LRRTM3: variants seen among roughly 807,000 people sequenced by gnomAD.
The protein encoded by LRRTM3 is leucine-rich repeat transmembrane neuronal protein 3.
Under a neutral mutation model 44.7 loss-of-function variants are expected in LRRTM3, and 24 were observed. That is an observed-to-expected ratio of 0.54 (90% confidence interval 0.39 to 0.76). The LOEUF (loss-of-function observed/expected upper bound fraction) is 0.76, where lower values mean the gene tolerates loss of function less well. Among genes scored for constraint, LRRTM3 ranks in the 30% least tolerant of loss-of-function variants. The pLI is 0.00. For missense variants in LRRTM3, 587 were observed against 702.2 expected (o/e 0.84, Z 1.85); for synonymous variants, 277 against 278.7 (o/e 0.99, Z 0.06).
intron 2 of LRRTM3, among the ~76,000 whole-genome samples, chr10:66,999,013 T>A (rs563800647): frequency 6.6e-6 from 1 of 152,250 alleles, no homozygotes; most frequent in South Asian, 2.1e-4. Flanking sequence ...ATAAGACAAT[T>A]AAATTAGAAA....
intron 2 of LRRTM3, among the ~76,000 whole-genome samples, chr10:67,020,980 C>T (rs1210413677): frequency 6.6e-6 from 1 of 152,294 alleles, no homozygotes; most frequent in Non-Finnish European, 1.5e-5. Flanking sequence ...TAAACCTTGA[C>T]TATGGAAAGT....
intron 2 of LRRTM3, among the ~76,000 whole-genome samples, chr10:66,940,081 G>A (rs527460188): frequency 6.6e-6 from 1 of 152,058 alleles, no homozygotes; most frequent in South Asian, 2.1e-4. Flanking sequence ...GTTTGTTTTT[G>A]CTTTCAGTAC....
intron 2 of LRRTM3, among the ~76,000 whole-genome samples, chr10:67,049,053 C>A (rs1438760481): frequency 7.4e-6 from 1 of 135,816 alleles, no homozygotes; most frequent in Non-Finnish European, 1.6e-5. Context: ...TTGTACTCTT[C>A]TTATCTTAAA....
intron 2 of LRRTM3, among the ~76,000 whole-genome samples, chr10:67,081,503 C>G (rs2064217019): frequency 1.3e-5 from 2 of 152,204 alleles, no homozygotes; most frequent in African/African-American, 4.8e-5. Context: ...GGTTAATTAA[C>G]TTGCCCAAGG....
In LRRTM3 at chr10:67,042,328, T is replaced by C. The variant is rs146132586; in HGVS notation, c.1537-55259T>C. Among the ~76,000 whole-genome samples the C allele has an allele frequency of 7.2e-3, 1,102 of 152,182 alleles. 11 individuals carry two copies. Among genetic ancestry groups the C allele is most frequent in the South Asian group, 0.024 (117 of 4,824 alleles). On this transcript the variant is annotated intron_variant, in intron 2 of 2. Coordinates refer to ENST00000361320, the MANE Select transcript of LRRTM3 (RefSeq NM_178011.5). ...CAGGACAGACAGAGCTGACTATCAG[T>C]TGGATGTGAGACATGAATAAAAAAC...
At chr10:66,995,134 C>T (rs1851257652) in intron 2 of LRRTM3, among the ~76,000 whole-genome samples, 1 of 152,152 alleles carries the variant, frequency 6.6e-6, no homozygotes, top group Non-Finnish European at 1.5e-5. Context: ...TTGAATGTCA[C>T]AGAAATAATG....
At chr10:67,044,441 G>A (rs182987624) in intron 2 of LRRTM3, among the ~76,000 whole-genome samples, 187 of 152,002 alleles carry the variant, frequency 1.2e-3, no homozygotes, top group African/African-American at 4.3e-3. Context: ...TTAAGAAGAG[G>A]ACAAAGGGAG....
chr10:67,028,503 A>T (rs1177512339), intron 2 of LRRTM3, among the ~76,000 whole-genome samples: 1 of 152,130 alleles, frequency 6.6e-6, no homozygotes, highest in Non-Finnish European at 1.5e-5. Flanking sequence ...GCAAACTAGG[A>T]AGTAAAGACT....
At chr10:67,092,548 G>T (rs764549011) in intron 2 of LRRTM3, among the ~76,000 whole-genome samples, 4 of 151,760 alleles carry the variant, frequency 2.6e-5, no homozygotes, top group Non-Finnish European at 4.4e-5. Context: ...TATATACAAA[G>T]ATATTTGTAC....
At chr10:67,054,600 C>CA (rs1310137246) in intron 2 of LRRTM3, 1 of 152,132 alleles carries the variant, frequency 6.6e-6, no homozygotes, top group Non-Finnish European at 1.5e-5. Flanking sequence ...TCCTTTCTTA[C>CA]CACTCTTCCT....
chr10:67,068,080 A>C (rs769905209), intron 2 of LRRTM3, among the ~76,000 whole-genome samples: 2 of 152,244 alleles, frequency 1.3e-5, no homozygotes, highest in Non-Finnish European at 2.9e-5. Flanking sequence ...AGAATGTATC[A>C]GCTGAGTATC....
At chr10:66,987,457 G>C (rs550137520) in intron 2 of LRRTM3, among the ~76,000 whole-genome samples, 1 of 152,124 alleles carries the variant, frequency 6.6e-6, no homozygotes, top group African/African-American at 2.4e-5. Flanking sequence ...GCTGAGGCTT[G>C]GGGTCTTAGC....
chr10:67,012,974 T>A (rs1236017984), intron 2 of LRRTM3: 1 of 152,182 alleles, frequency 6.6e-6, no homozygotes. Context: ...TTTTCCCTTA[T>A]ATTTTCCAGG....
intron 2 of LRRTM3, among the ~76,000 whole-genome samples, chr10:66,966,990 T>C (rs1450946963): frequency 1.3e-5 from 2 of 152,064 alleles, no homozygotes; most frequent in Admixed American, 1.3e-4. Flanking sequence ...ACATTTGATA[T>C]ATGCTATTGC....
intron 2 of LRRTM3, among the ~76,000 whole-genome samples, chr10:67,089,842 CA>C (rs1327056416): frequency 2.6e-5 from 4 of 151,846 alleles, no homozygotes; most frequent in African/African-American, 4.8e-5. Context: ...ATCCCTTTCA[CA>C]AGCCTATAAT....
intron 2 of LRRTM3, among the ~76,000 whole-genome samples, chr10:66,988,866 C>G (rs1169267460): frequency 2.6e-5 from 4 of 151,968 alleles, no homozygotes; most frequent in Non-Finnish European, 5.9e-5. Flanking sequence ...TTTCTCTCCA[C>G]CCTACACACA....
intron 2 of LRRTM3, among the ~76,000 whole-genome samples, chr10:67,067,448 A>C (rs1253325547): frequency 4.6e-5 from 7 of 152,326 alleles, no homozygotes; most frequent in African/African-American, 1.7e-4. Context: ...CCCTATAATA[A>C]CATTTCCACA....
At chr10:66,992,900 C>T (rs1429033594) in intron 2 of LRRTM3, among the ~76,000 whole-genome samples, 1 of 152,096 alleles carries the variant, frequency 6.6e-6, no homozygotes, top group African/African-American at 2.4e-5. Flanking sequence ...TTCAATTTGA[C>T]CATTTTTGTA....
At chr10:67,037,777 C>A (rs1326892209) in intron 2 of LRRTM3, among the ~76,000 whole-genome samples, 2 of 152,044 alleles carry the variant, frequency 1.3e-5, no homozygotes, top group African/African-American at 2.4e-5. Flanking sequence ...TTAACTTGAA[C>A]AAATACATGG....
Sources: gnomAD v4.1 joint callset for allele counts (sites outside exome capture counted in the v4.1 genomes callset) on GRCh38, gnomAD v4.1.1 for gene constraint, MANE v1.5 for transcripts, NCBI Gene and HGNC (gene_info 2026-07-23, HGNC 2026-07-21) for gene names.